The following LOC400499 variants were observed in gnomAD, a reference collection of about 807,000 sequenced individuals.
the LOC400499 span, among the ~76,000 whole-genome samples, chr16:11,438,041 G>A: frequency 1.3e-5 from 2 of 152,078 alleles, no homozygotes; most frequent in South Asian, 2.1e-4. Flanking sequence ...CCATGATCTT[G>A]GGCAAGTCAC....
the LOC400499 span, chr16:11,404,653 G>T: frequency 7.5e-6 from 3 of 398,832 alleles, no homozygotes; most frequent in Non-Finnish European, 1.3e-5. Flanking sequence ...GGCCAGGGAT[G>T]ATTTCTTGAG....
At chr16:11,446,984 G>A in the LOC400499 span, 71 of 1,460,738 alleles carry the variant, frequency 4.9e-5, no homozygotes, top group South Asian at 6.8e-5. Context: ...TGTGCCCCAC[G>A]GTCTCAGCCT....
At chr16:11,400,943 A>G in the LOC400499 span, among the ~76,000 whole-genome samples, 1 of 152,046 alleles carries the variant, frequency 6.6e-6, no homozygotes. Context: ...CAGCTGCCTC[A>G]CTCAGTCCCC....
At chr16:11,491,654 G>GCCCCCA in the LOC400499 span, 1 of 269,412 alleles carries the variant, frequency 3.7e-6, no homozygotes, top group Non-Finnish European at 6.9e-6. Context: ...TGCCCTCCCA[G>GCCCCCA]CCCCACCCCT....
chr16:11,408,878 G>C, the LOC400499 span, among the ~76,000 whole-genome samples: 1 of 152,002 alleles, frequency 6.6e-6, no homozygotes, highest in Non-Finnish European at 1.5e-5. Context: ...ATGTGATTAT[G>C]TGAAATAAAA....
the LOC400499 span, among the ~76,000 whole-genome samples, chr16:11,378,723 C>T: frequency 6.6e-6 from 1 of 152,152 alleles, no homozygotes; most frequent in Non-Finnish European, 1.5e-5. Flanking sequence ...TTGTTTAGTT[C>T]CCACATATTT....
At chr16:11,398,787 A>C in the LOC400499 span, among the ~76,000 whole-genome samples, 2 of 151,876 alleles carry the variant, frequency 1.3e-5, no homozygotes, top group Non-Finnish European at 2.9e-5. Flanking sequence ...AGCCTCCCAA[A>C]TAGCTAGGAT....
the LOC400499 span, among the ~76,000 whole-genome samples, chr16:11,430,654 C>T: frequency 3.3e-5 from 5 of 152,096 alleles, no homozygotes; most frequent in African/African-American, 9.7e-5. Flanking sequence ...AGGGGCTGTG[C>T]GATTCTTTGC....
chr16:11,396,529 G>C, the LOC400499 span: 418 of 1,232,232 alleles, frequency 3.4e-4, 1 homozygote, highest in African/African-American at 5.5e-3. Context: ...CCCCGGAGAA[G>C]TCAGCTGAAC....
chr16:11,443,015 G>C, the LOC400499 span, among the ~76,000 whole-genome samples: 1 of 152,070 alleles, frequency 6.6e-6, no homozygotes, highest in Non-Finnish European at 1.5e-5. Flanking sequence ...CTTCCCAGGG[G>C]CTGTTGTGTA....
At chr16:11,438,351 G>C in the LOC400499 span, among the ~76,000 whole-genome samples, 1 of 152,154 alleles carries the variant, frequency 6.6e-6, no homozygotes, top group Non-Finnish European at 1.5e-5. Context: ...ACTGACTTCA[G>C]GGACATCAAC....
the LOC400499 span, chr16:11,446,990 A>C: frequency 1.5e-5 from 22 of 1,441,302 alleles, no homozygotes; most frequent in Non-Finnish European, 1.9e-5. Context: ...CCACGGTCTC[A>C]GCCTGGGCCT....
the LOC400499 span, chr16:11,494,826 C>T: frequency 1.3e-4 from 53 of 395,640 alleles, no homozygotes; most frequent in Non-Finnish European, 2.2e-4. Flanking sequence ...CTCACCCTGG[C>T]CACACACCGA....
At chr16:11,402,205 G>T in the LOC400499 span, 1 of 399,058 alleles carries the variant, frequency 2.5e-6, no homozygotes, top group South Asian at 1.3e-4. Context: ...GTGAGCTGAG[G>T]TCAGCAGCTC....
At chr16:11,392,328 C>T in the LOC400499 span, 3 of 398,924 alleles carry the variant, frequency 7.5e-6, no homozygotes, top group East Asian at 1.1e-4. Flanking sequence ...TCCACATGGC[C>T]CAGCAGGCCC....
the LOC400499 span, among the ~76,000 whole-genome samples, chr16:11,455,427 CTGTTTTAAGCAAGACT>C: frequency 3.2e-4 from 49 of 152,198 alleles, no homozygotes; most frequent in African/African-American, 1.1e-3. Context: ...AGCGTGCTTA[CTGTTTTAAGCAAGACT>C]TGGGGTAGGG....
the LOC400499 span, chr16:11,372,497 G>A: frequency 6.6e-6 from 1 of 151,408 alleles, no homozygotes; most frequent in East Asian, 1.9e-4. Flanking sequence ...TGTGGAGGAA[G>A]GGGGAGAATT....
the LOC400499 span, among the ~76,000 whole-genome samples, chr16:11,378,971 G>C: frequency 6.6e-6 from 1 of 152,172 alleles, no homozygotes; most frequent in Non-Finnish European, 1.5e-5. Flanking sequence ...ATTATTGAAA[G>C]TGAGGTATTG....
chr16:11,403,432 CACACGTGCAT>C, the LOC400499 span, among the ~76,000 whole-genome samples: 31 of 152,350 alleles, frequency 2.0e-4, no homozygotes, highest in African/African-American at 7.5e-4. Flanking sequence ...CAGGCATGCA[CACACGTGCAT>C]GTATACACAC....
Sources: gnomAD v4.1 joint callset for allele counts (sites outside exome capture counted in the v4.1 genomes callset) on GRCh38, gnomAD v4.1.1 for gene constraint, MANE v1.5 for transcripts.